The following PTTG1IP variants were observed in gnomAD, a reference collection of about 807,000 sequenced individuals.
PTTG1IP encodes PTTG1 interacting protein.
PTTG1IP carries 16 observed loss-of-function variants against 24.4 expected under a neutral mutation model. That is an observed-to-expected ratio of 0.66 (90% CI 0.44 to 1.00). The LOEUF is 1.00. Ranked by LOEUF, PTTG1IP falls within the 50% of genes least tolerant of loss-of-function variation. The probability of loss-of-function intolerance (pLI) is 0.00; values close to 1 mark genes in which losing one functional copy is unlikely to be tolerated. For missense variants in PTTG1IP, 241 were observed against 245.8 expected, an observed-to-expected ratio of 0.98 and a Z score of 0.13; for synonymous variants, 89 against 96.8, an observed-to-expected ratio of 0.92 and a Z score of 0.47.
At chr21:44,869,792 G>C (rs908271214) in intron 1 of PTTG1IP, among the ~76,000 whole-genome samples, 7 of 152,168 alleles carry the variant, frequency 4.6e-5, no homozygotes, top group African/African-American at 1.7e-4. Flanking sequence ...AGGAGACAGG[G>C]TATGCCCAAC....
chr21:44,851,273 G>A lies in PTTG1IP; in HGVS notation c.*308C>T, dbSNP rs535996242. 25 of 1,379,788 alleles carry A rather than the reference G, an allele frequency of 1.8e-5. No homozygotes were observed. Among genetic ancestry groups the A allele is most frequent in the East Asian group, 7.6e-5 (3 of 39,548 alleles). The allele number at this position is 1,379,788 out of a possible 1,614,324, so 85.5% of individuals were successfully genotyped here. On this transcript the variant is annotated 3_prime_UTR_variant, in exon 6 of 6. Transcript: ENST00000330938. ...AATGACAGCCACAGCGCTGGGTGCC[G>A]TCAGGCGGCTTCGTGTGCAGTTAGC...
At chr21:44,855,757 G>T (rs1419483143) in intron 4 of PTTG1IP, among the ~76,000 whole-genome samples, 2 of 152,136 alleles carry the variant, frequency 1.3e-5, no homozygotes, top group Non-Finnish European at 2.9e-5. Context: ...CCTCCTCCTG[G>T]GGTTGCCCCA....
intron 1 of PTTG1IP, among the ~76,000 whole-genome samples, chr21:44,867,587 GGTCCCTGA>G (rs2083552390): frequency 6.6e-6 from 1 of 152,252 alleles, no homozygotes; most frequent in Non-Finnish European, 1.5e-5. Flanking sequence ...GCTGAACTCT[GGTCCCTGA>G]CAGGCATGGT....
Position 44,856,262 on chromosome 21 carries a change from C to G in PTTG1IP, c.380G>C (p.Arg127Pro). The change falls in exon 4 of 6, where the codon CGG (arginine) becomes CCG (proline). Residue 127 changes from arginine to proline, a missense_variant. Arg to Pro is a moderately radical substitution (Grantham distance 103). Transcript: ENST00000330938. ...CCCCCRRKRS[R>P]KPDRSEEKAM... ...CTTCTCCTCACTCCTGTCCGGCTTC[C>G]GGCTCCTCTTCCTCCTGCAGCAGCA... 2 of 1,614,160 alleles carry G rather than the reference C, an allele frequency of 1.2e-6. No individual in the cohort carries two copies. Among genetic ancestry groups the G allele is most frequent in the Middle Eastern group, 3.3e-4 (2 of 6,062 alleles).
intron 1 of PTTG1IP, 122 bp downstream of exon 1, chr21:44,873,380 G>T: frequency 2.0e-6 from 2 of 1,002,920 alleles, no homozygotes; most frequent in South Asian, 9.9e-5. Flanking sequence ...CGCTGCCTGC[G>T]ACCGTGGGCC....
At chr21:44,865,151 T>C (rs1048449142) in intron 2 of PTTG1IP, among the ~76,000 whole-genome samples, 3 of 152,210 alleles carry the variant, frequency 2.0e-5, no homozygotes, top group Non-Finnish European at 2.9e-5. Context: ...GCTGGCCCCA[T>C]CTGCATAGGA....
In PTTG1IP at chr21:44,860,721, C is replaced by T. The variant is rs533657969; in HGVS notation, c.277+442G>A. On this transcript the variant is annotated intron_variant, in intron 3 of 5. Transcript: ENST00000330938. ...GGCTGCTTTCCCGGTCAGCAGATCA[C>T]CCCTGGCTTCCCAACCTCTCCCTGG... 1.2e-4 allele frequency among the ~76,000 whole-genome samples: 18 copies of T among 152,346 alleles called. No individual in the cohort carries two copies. In the South Asian group the frequency reaches 3.7e-3, roughly 32 times the overall value.
At chr21:44,872,705 C>CT (rs2083598045) in intron 1 of PTTG1IP, 2 of 152,396 alleles carry the variant, frequency 1.3e-5, no homozygotes, top group South Asian at 4.1e-4. Flanking sequence ...CTGTCATGCA[C>CT]TTTCCTCCCC....
chr21:44,856,359 A>G lies in PTTG1IP; in HGVS notation c.283T>C (p.Phe95Leu). Residue 95 changes from phenylalanine to leucine, a missense_variant, in exon 4 of 6, where the codon TTT becomes CTT. Physicochemically the swap from Phe to Leu is conservative, Grantham distance 22. Transcript: ENST00000330938. ...GACATGGTGATGATCAGCGCCTCAA[A>G]GTTCACTGGAGATTCAAGCACCTGG... ...SARWGVCWVN[F>L]EALIITMSVV... 2 of 1,609,896 alleles carry G rather than the reference A, an allele frequency of 1.2e-6. No homozygotes were observed. The highest frequency in any genetic ancestry group is 1.7e-6 in the Non-Finnish European group (2 of 1,177,102).
chr21:44,864,588 G>A (rs908161004), intron 2 of PTTG1IP, among the ~76,000 whole-genome samples: 21 of 152,130 alleles, frequency 1.4e-4, no homozygotes, highest in African/African-American at 3.9e-4. Flanking sequence ...TAGTAGAGAC[G>A]GGGTTTCACC....
chr21:44,873,221 ACCCGAGGCCACGCGCGAGGAG>A (rs1458495877), intron 1 of PTTG1IP, among the ~76,000 whole-genome samples: 1 of 152,204 alleles, frequency 6.6e-6, no homozygotes, highest in Admixed American at 6.5e-5. Flanking sequence ...GCGAGGGCCA[ACCCGAGGCCACGCGCGAGGAG>A]CGGCCGCAGC....
At chr21:44,853,594 G>A (rs1484787396) in intron 5 of PTTG1IP, among the ~76,000 whole-genome samples, 1 of 151,962 alleles carries the variant, frequency 6.6e-6, no homozygotes, top group Non-Finnish European at 1.5e-5. Flanking sequence ...GCCAAGGCCT[G>A]CAGAGATGCT....
chr21:44,865,589 C>A, intron 1 of PTTG1IP, 142 bp from the exon 2 acceptor site: 1 of 789,390 alleles, frequency 1.3e-6, no homozygotes. Flanking sequence ...GGTCCTCTTC[C>A]TGAGCCCCTG....
At chr21:44,869,972 G>A (rs1410765900) in intron 1 of PTTG1IP, among the ~76,000 whole-genome samples, 1 of 152,122 alleles carries the variant, frequency 6.6e-6, no homozygotes, top group Non-Finnish European at 1.5e-5. Context: ...AACACACACC[G>A]TCAACTCCAT....
Position 44,858,961 on chromosome 21 carries a change from C to T in PTTG1IP, c.277+2202G>A, listed in dbSNP as rs534468450. 1.4e-4 allele frequency among the ~76,000 whole-genome samples: 22 copies of T among 152,274 alleles called. No individual in the cohort carries two copies. In the South Asian group the frequency reaches 2.5e-3, roughly 17 times the overall value. On this transcript the variant is annotated intron_variant, in intron 3 of 5. Transcript: ENST00000330938. Reference sequence around the variant, plus strand: ...AGCCACTCCAAAAACATTTGGCAGACGTACTAAGGCTAAACACAAATATGC... The same window carrying T: ...AGCCACTCCAAAAACATTTGGCAGATGTACTAAGGCTAAACACAAATATGC...
intron 5 of PTTG1IP, among the ~76,000 whole-genome samples, chr21:44,853,826 G>A (rs959385067): frequency 3.9e-5 from 6 of 152,224 alleles, no homozygotes; most frequent in Admixed American, 2.0e-4. Flanking sequence ...ACTGATGGGC[G>A]GGAACACATA....
Position 44,873,428 on chromosome 21 carries a change from C to T in PTTG1IP, c.115+74G>A. 3 of 1,218,186 alleles carry T rather than the reference C, an allele frequency of 2.5e-6. No individual in the cohort carries two copies. The South Asian group carries it at 9.5e-5, about 38-fold the overall frequency. The allele number at this position is 1,218,186 out of a possible 1,614,324, so 75.5% of individuals were successfully genotyped here. A position where few individuals can be genotyped will look rare whatever the true frequency, so the allele number is the denominator to read the frequency against. ...CGAGCCCAGCGCCCTGGCCGAAACC[C>T]CGACCCCGACCCCGACCTGGACCCA... On this transcript the variant is annotated intron_variant, in intron 1 of 5. Coordinates refer to ENST00000330938, the MANE Select transcript of PTTG1IP (RefSeq NM_004339.4).
chr21:44,864,011 G>C (rs1179577545), intron 2 of PTTG1IP, among the ~76,000 whole-genome samples: 1 of 152,162 alleles, frequency 6.6e-6, no homozygotes, highest in African/African-American at 2.4e-5. Flanking sequence ...TTAAGAACAT[G>C]GCTCATGCCT....
chr21:44,861,373 A>T, intron 2 of PTTG1IP, 102 bp from the exon 3 acceptor site: 2 of 983,936 alleles, frequency 2.0e-6, no homozygotes, highest in Non-Finnish European at 3.1e-6. Flanking sequence ...CGCTCTGTGG[A>T]TGGCTGTAAA....
Sources: allele counts gnomAD v4.1 joint callset (sites outside exome capture counted in the v4.1 genomes callset), GRCh38; gene constraint gnomAD v4.1.1; transcripts MANE v1.5; gene names NCBI Gene and HGNC (gene_info 2026-07-23, HGNC 2026-07-21).